Variants in KCNIP1 observed in about 807,000 individuals in gnomAD.
The protein encoded by KCNIP1 is A-type potassium channel modulatory protein KCNIP1.
KCNIP1 carries 18 observed loss-of-function variants against 33.0 expected under a neutral mutation model. The ratio of observed to expected loss-of-function variants is 0.55; its 90% CI spans 0.38 to 0.81. The LOEUF (loss-of-function observed/expected upper bound fraction) is 0.81, where lower values mean the gene tolerates loss of function less well. Among genes scored for constraint, KCNIP1 ranks in the 30% least tolerant of loss-of-function variants. The probability of loss-of-function intolerance (pLI) is 0.00; values close to 1 mark genes in which losing one functional copy is unlikely to be tolerated. For synonymous variants in KCNIP1, 93 were observed against 98.3 expected (o/e 0.95, Z 0.32); for missense variants, 238 against 271.6 (o/e 0.88, Z 0.87).
chr5:170,599,378 C>T (rs1483809910), intron 1 of KCNIP1, among the ~76,000 whole-genome samples: 1 of 152,128 alleles, frequency 6.6e-6, no homozygotes, highest in African/African-American at 2.4e-5. Flanking sequence ...CGAGGAATCG[C>T]GTGCAATGTC....
chr5:170,545,630 A>G (rs1756383227), intron 1 of KCNIP1, among the ~76,000 whole-genome samples: 1 of 152,080 alleles, frequency 6.6e-6, no homozygotes. Flanking sequence ...CACTGACCCT[A>G]TAGTCTGCTA....
At chr5:170,381,612 T>C (rs906520858) in intron 1 of KCNIP1, among the ~76,000 whole-genome samples, 11 of 152,174 alleles carry the variant, frequency 7.2e-5, no homozygotes, top group African/African-American at 2.7e-4. Flanking sequence ...CAGCCTGCTA[T>C]CAGCACCACA....
chr5:170,461,761 A>G (rs1756506068), intron 1 of KCNIP1, among the ~76,000 whole-genome samples: 1 of 151,920 alleles, frequency 6.6e-6, no homozygotes, highest in Non-Finnish European at 1.5e-5. Flanking sequence ...AAAAAAAAAA[A>G]AGGCAAATAG....
At chr5:170,624,878 G>C (rs1182236109) in intron 1 of KCNIP1, among the ~76,000 whole-genome samples, 1 of 152,150 alleles carries the variant, frequency 6.6e-6, no homozygotes, top group Non-Finnish European at 1.5e-5. Context: ...TAGAGGCAGG[G>C]TCTTCTGTCT....
At chr5:170,708,170 G>T (rs1212315690) in intron 1 of KCNIP1, among the ~76,000 whole-genome samples, 1 of 152,108 alleles carries the variant, frequency 6.6e-6, no homozygotes. Flanking sequence ...TCCCCTCTCT[G>T]CTCCATGCAA....
At chr5:170,648,459 T>C (rs2113715476) in intron 1 of KCNIP1, among the ~76,000 whole-genome samples, 1 of 152,068 alleles carries the variant, frequency 6.6e-6, no homozygotes, top group East Asian at 1.9e-4. Flanking sequence ...TAAAAAGAAA[T>C]GAGCTATCAA....
intron 1 of KCNIP1, among the ~76,000 whole-genome samples, chr5:170,488,193 G>A (rs1757137313): frequency 6.6e-6 from 1 of 152,180 alleles, no homozygotes; most frequent in Non-Finnish European, 1.5e-5. Context: ...AGGGCTTCTT[G>A]ACACTTACCC....
At chr5:170,643,390 G>A (rs1286561713) in intron 1 of KCNIP1, among the ~76,000 whole-genome samples, 5 of 20,598 alleles carry the variant, frequency 2.4e-4, no homozygotes, top group African/African-American at 1.1e-3. Flanking sequence ...TTATGACAGC[G>A]CTATGAGAAA....
At chr5:170,640,759 C>T (rs918949994) in intron 1 of KCNIP1, among the ~76,000 whole-genome samples, 18 of 152,138 alleles carry the variant, frequency 1.2e-4, no homozygotes, top group Non-Finnish European at 1.2e-4. Flanking sequence ...GGCCCTTGCC[C>T]GAGTCCCCAA....
At chr5:170,553,929 G>A (rs1196186390) in intron 1 of KCNIP1, among the ~76,000 whole-genome samples, 2 of 152,192 alleles carry the variant, frequency 1.3e-5, no homozygotes, top group African/African-American at 4.8e-5. Context: ...TCAATATCTA[G>A]CACATACAGG....
At chr5:170,641,305 G>A (rs1760543366) in intron 1 of KCNIP1, among the ~76,000 whole-genome samples, 1 of 152,190 alleles carries the variant, frequency 6.6e-6, no homozygotes, top group African/African-American at 2.4e-5. Context: ...TATGAAGAGA[G>A]TCATGCAGCA....
At chr5:170,437,181 GAGA>G (rs1306338916) in intron 1 of KCNIP1, among the ~76,000 whole-genome samples, 4 of 152,332 alleles carry the variant, frequency 2.6e-5, no homozygotes, top group Admixed American at 1.3e-4. Context: ...CATCTTCATA[GAGA>G]AGGACTTTCC....
At chr5:170,526,329 C>G (rs367929545) in intron 1 of KCNIP1, among the ~76,000 whole-genome samples, 1 of 152,188 alleles carries the variant, frequency 6.6e-6, no homozygotes, top group Non-Finnish European at 1.5e-5. Flanking sequence ...ACGCAGTAGC[C>G]CATTTCTGTA....
intron 1 of KCNIP1, among the ~76,000 whole-genome samples, chr5:170,690,720 G>C (rs1762692245): frequency 6.6e-6 from 1 of 152,184 alleles, no homozygotes; most frequent in Admixed American, 6.5e-5. Flanking sequence ...GCCCTCTCTA[G>C]GCTCTCTCTC....
chr5:170,593,571 A>G (rs1758340482), intron 1 of KCNIP1, among the ~76,000 whole-genome samples: 1 of 152,240 alleles, frequency 6.6e-6, no homozygotes, highest in Non-Finnish European at 1.5e-5. Context: ...ACCTATGAAT[A>G]GCTTCTTGCT....
chr5:170,550,298 A>G (rs910707589), intron 1 of KCNIP1, among the ~76,000 whole-genome samples: 2 of 152,366 alleles, frequency 1.3e-5, no homozygotes, highest in East Asian at 3.9e-4. Flanking sequence ...TTTAGGAAAG[A>G]CTGTTAGATA....
chr5:170,449,543 G>A (rs746286894), intron 1 of KCNIP1, among the ~76,000 whole-genome samples: 1 of 152,210 alleles, frequency 6.6e-6, no homozygotes, highest in African/African-American at 2.4e-5. Flanking sequence ...GCTGGATGAT[G>A]TGCAAATTGC....
chr5:170,634,173 C>T (rs1332291952), intron 1 of KCNIP1, among the ~76,000 whole-genome samples: 1 of 152,060 alleles, frequency 6.6e-6, no homozygotes, highest in African/African-American at 2.4e-5. Context: ...TCACCACTAA[C>T]TTAGATGGAG....
chr5:170,684,916 C>T (rs1265184481), intron 1 of KCNIP1, among the ~76,000 whole-genome samples: 1 of 152,008 alleles, frequency 6.6e-6, no homozygotes, highest in Admixed American at 6.6e-5. Context: ...CTGTTGCTCA[C>T]CTTCTTGGAA....
Sources: allele counts gnomAD v4.1 joint callset (sites outside exome capture counted in the v4.1 genomes callset), GRCh38; gene constraint gnomAD v4.1.1; transcripts MANE v1.5; gene names NCBI Gene and HGNC (gene_info 2026-07-23, HGNC 2026-07-21).